The following CCSER1 variants were observed in gnomAD, a reference collection of about 807,000 sequenced individuals.
The protein encoded by CCSER1 is serine-rich coiled-coil domain-containing protein 1.
Under a neutral mutation model 82.0 loss-of-function variants are expected in CCSER1, and 41 were observed. The observed-to-expected ratio is 0.50, with a 90% CI of 0.39 to 0.65. CCSER1 has a LOEUF of 0.65. CCSER1 is among the 30% of genes least tolerant of loss of function. The pLI is 0.00. For missense variants in CCSER1, 1,119 were observed against 1,064.2 expected (o/e 1.05, Z -0.72); for synonymous variants, 414 against 383.9 (o/e 1.08, Z -0.92).
rs537716798 is a variant in CCSER1, at chr4:91,073,436, G to A, written c.2173-12514G>A. Among the ~76,000 whole-genome samples the A allele has an allele frequency of 3.9e-5, 6 of 152,228 alleles. No homozygotes were observed. The South Asian group carries it at 1.2e-3, about 32-fold the overall frequency. ...TTAGTGCAGTTTTTAAGTAGGTTAA[G>A]TTGCCTTAGGAAATGTTCTGTGTTT... On this transcript the variant is annotated intron_variant, in intron 9 of 10. Coordinates refer to ENST00000509176, the MANE Select transcript of CCSER1 (RefSeq NM_001145065.2).
intron 10 of CCSER1, among the ~76,000 whole-genome samples, chr4:91,499,111 T>A (rs137948071): frequency 6.6e-6 from 1 of 152,030 alleles, no homozygotes; most frequent in Non-Finnish European, 1.5e-5. Flanking sequence ...TCAAATGTTA[T>A]GTTTCATTTC....
chr4:91,159,395 A>G (rs962657210), intron 10 of CCSER1, among the ~76,000 whole-genome samples: 6 of 151,958 alleles, frequency 3.9e-5, no homozygotes, highest in Admixed American at 2.0e-4. Context: ...TATTCTTGTC[A>G]TAGTGTTTTC....
At chr4:90,266,692 C>G (rs1205201785) in intron 1 of CCSER1, among the ~76,000 whole-genome samples, 1 of 151,998 alleles carries the variant, frequency 6.6e-6, no homozygotes, top group Non-Finnish European at 1.5e-5. Flanking sequence ...CAGGATTTTG[C>G]ACTGGAAGAA....
chr4:91,473,953 A>C (rs1757421312), intron 10 of CCSER1, among the ~76,000 whole-genome samples: 1 of 152,088 alleles, frequency 6.6e-6, no homozygotes. Context: ...CCCTCAAATT[A>C]ACTTCCCGAA....
intron 8 of CCSER1, among the ~76,000 whole-genome samples, chr4:90,867,105 T>C (rs1426446926): frequency 6.6e-6 from 1 of 151,930 alleles, no homozygotes; most frequent in African/African-American, 2.4e-5. Context: ...CCTCCCCAGC[T>C]CTCCCCTCCT....
intron 10 of CCSER1, among the ~76,000 whole-genome samples, chr4:91,278,780 C>T (rs1024263662): frequency 4.0e-5 from 6 of 151,834 alleles, no homozygotes; most frequent in African/African-American, 1.5e-4. Context: ...TATTGTTTAT[C>T]ATTCATGTTG....
intron 7 of CCSER1, among the ~76,000 whole-genome samples, chr4:90,726,438 A>T (rs1743656506): frequency 6.6e-6 from 1 of 152,088 alleles, no homozygotes; most frequent in Non-Finnish European, 1.5e-5. Context: ...ATATTAAATT[A>T]AGTATGGAAA....
chr4:91,377,963 C>T (rs904426301), intron 10 of CCSER1, among the ~76,000 whole-genome samples: 4 of 152,216 alleles, frequency 2.6e-5, no homozygotes, highest in Admixed American at 2.0e-4. Context: ...CAACTTTCTA[C>T]ATATGGCTAG....
chr4:90,350,175 G>T (rs1743167795), intron 3 of CCSER1, among the ~76,000 whole-genome samples: 1 of 152,080 alleles, frequency 6.6e-6, no homozygotes, highest in South Asian at 2.1e-4. Context: ...GGGTGATTCT[G>T]CAAGGTAGAG....
intron 10 of CCSER1, among the ~76,000 whole-genome samples, chr4:91,303,324 A>T (rs1391001472): frequency 6.6e-6 from 1 of 152,050 alleles, no homozygotes; most frequent in East Asian, 1.9e-4. Flanking sequence ...AGAATTTTCT[A>T]AAAAATCCAT....
At chr4:91,122,770 C>A (rs780095753) in intron 10 of CCSER1, among the ~76,000 whole-genome samples, 1 of 151,656 alleles carries the variant, frequency 6.6e-6, no homozygotes, top group Non-Finnish European at 1.5e-5. Flanking sequence ...GGAAAATGAG[C>A]CTATACAAAA....
At chr4:91,366,105 G>A (rs1017304016) in intron 10 of CCSER1, among the ~76,000 whole-genome samples, 1 of 151,992 alleles carries the variant, frequency 6.6e-6, no homozygotes, top group Non-Finnish European at 1.5e-5. Flanking sequence ...TGCAACCTCC[G>A]CCTCCCAGGT....
At chr4:90,634,070 G>T (rs1724980109) in intron 6 of CCSER1, among the ~76,000 whole-genome samples, 1 of 151,380 alleles carries the variant, frequency 6.6e-6, no homozygotes, top group Non-Finnish European at 1.5e-5. Flanking sequence ...AAAATTTTAT[G>T]ATCTATAAAA....
intron 10 of CCSER1, among the ~76,000 whole-genome samples, chr4:91,389,658 G>C (rs940724023): frequency 2.0e-5 from 3 of 151,884 alleles, no homozygotes; most frequent in African/African-American, 7.3e-5. Flanking sequence ...TGAATCTGTA[G>C]TTCAGGTTAA....
intron 5 of CCSER1, among the ~76,000 whole-genome samples, chr4:90,512,756 T>G: frequency 6.6e-6 from 1 of 152,268 alleles, no homozygotes; most frequent in Non-Finnish European, 1.5e-5. Flanking sequence ...TTAGAATATG[T>G]TTATCTATTT....
chr4:90,969,954 A>G (rs1485853416), intron 9 of CCSER1, among the ~76,000 whole-genome samples: 1 of 151,258 alleles, frequency 6.6e-6, no homozygotes, highest in Non-Finnish European at 1.5e-5. Flanking sequence ...GTAAATATAC[A>G]TAGATAAAGA....
intron 8 of CCSER1, among the ~76,000 whole-genome samples, chr4:90,828,543 C>T (rs368525552): frequency 7.2e-5 from 11 of 152,088 alleles, no homozygotes; most frequent in Admixed American, 2.0e-4. Context: ...AATTTAGTTT[C>T]GTATCACTTT....
chr4:90,671,934 A>G (rs904419382), intron 6 of CCSER1, among the ~76,000 whole-genome samples: 1 of 152,038 alleles, frequency 6.6e-6, no homozygotes, highest in Admixed American at 6.6e-5. Context: ...AGATAACTAG[A>G]TGCATTGTTC....
In CCSER1 at chr4:91,058,369, C is replaced by T. The variant is rs145502640; in HGVS notation, c.2173-27581C>T. On this transcript the variant is annotated intron_variant, in intron 9 of 10. Transcript: ENST00000509176. ...CATGGGTAGAGCTAAAGGCCATTAT[C>T]CTTAGCAAACTAAAACCCATGTTCT... is the stretch of plus-strand genomic sequence containing the variant. Among the ~76,000 whole-genome samples, 70 of 152,210 alleles carry T rather than the reference C, an allele frequency of 4.6e-4. 1 individual carries two copies. The South Asian group carries it at 5.4e-3, about 12-fold the overall frequency.
Sources: allele counts gnomAD v4.1 joint callset (sites outside exome capture counted in the v4.1 genomes callset), GRCh38; gene constraint gnomAD v4.1.1; transcripts MANE v1.5; gene names NCBI Gene and HGNC (gene_info 2026-07-23, HGNC 2026-07-21).